The following NRXN3 variants were observed in gnomAD, a reference collection of about 807,000 sequenced individuals.
NRXN3 encodes neurexin III.
Under a neutral mutation model 137.6 loss-of-function variants are expected in NRXN3, and 32 were observed. That is an observed-to-expected ratio of 0.23 (90% confidence interval 0.18 to 0.31). The LOEUF (loss-of-function observed/expected upper bound fraction) is 0.31, where lower values mean the gene tolerates loss of function less well. Ranked by LOEUF, NRXN3 falls within the 10% of genes least tolerant of loss-of-function variation. The pLI is 1.00. For synonymous variants in NRXN3, 798 were observed against 784.5 expected (o/e 1.02, Z -0.29); for missense variants, 1,574 against 2,062.5 (o/e 0.76, Z 4.59).
At chr14:79,021,467 G>A (rs2099589511) in intron 15 of NRXN3, among the ~76,000 whole-genome samples, 1 of 152,152 alleles carries the variant, frequency 6.6e-6, no homozygotes, top group Admixed American at 6.5e-5. Flanking sequence ...TTCTTTTGAT[G>A]TATGGTCTCT....
intron 6 of NRXN3, among the ~76,000 whole-genome samples, chr14:78,651,628 C>A (rs978473852): frequency 6.6e-6 from 1 of 152,200 alleles, no homozygotes; most frequent in African/African-American, 2.4e-5. Context: ...TTCCACATAT[C>A]TGGGGAGGTC....
chr14:79,099,974 C>T (rs1275395635), intron 15 of NRXN3, among the ~76,000 whole-genome samples: 1 of 152,110 alleles, frequency 6.6e-6, no homozygotes, highest in Non-Finnish European at 1.5e-5. Context: ...GGGAATGACC[C>T]AAACAGAATA....
chr14:79,426,749 C>T (rs1304317207), intron 15 of NRXN3, among the ~76,000 whole-genome samples: 2 of 152,022 alleles, frequency 1.3e-5, no homozygotes, highest in African/African-American at 4.8e-5. Context: ...TGGGGAGGGA[C>T]GGCTGTTGGA....
At chr14:79,077,421 T>G (rs1377542899) in intron 15 of NRXN3, among the ~76,000 whole-genome samples, 1 of 152,192 alleles carries the variant, frequency 6.6e-6, no homozygotes, top group East Asian at 1.9e-4. Context: ...TTTTTCCTCT[T>G]CTTTTCCTAT....
At chr14:78,394,677 G>A (rs2091227865) in intron 4 of NRXN3, among the ~76,000 whole-genome samples, 1 of 151,578 alleles carries the variant, frequency 6.6e-6, no homozygotes, top group Admixed American at 6.6e-5. Context: ...AATATTCCAG[G>A]GTAACCATCT....
At chr14:78,898,513 T>A (rs1321005386) in intron 10 of NRXN3, among the ~76,000 whole-genome samples, 1 of 151,566 alleles carries the variant, frequency 6.6e-6, no homozygotes, top group Non-Finnish European at 1.5e-5. Flanking sequence ...CAGAGATGCA[T>A]AAGTTTCTTA....
chr14:79,066,968 T>C (rs1417452891), intron 15 of NRXN3, among the ~76,000 whole-genome samples: 1 of 152,116 alleles, frequency 6.6e-6, no homozygotes, highest in African/African-American at 2.4e-5. Context: ...TTTTTCCTCT[T>C]GCCTGGTTGC....
At chr14:79,566,858 T>G (rs1230672942) in intron 16 of NRXN3, among the ~76,000 whole-genome samples, 1 of 152,168 alleles carries the variant, frequency 6.6e-6, no homozygotes, top group Non-Finnish European at 1.5e-5. Flanking sequence ...TCATGAATCA[T>G]GATACTCCTC....
chr14:78,852,798 C>T (rs2099046146), intron 10 of NRXN3, among the ~76,000 whole-genome samples: 1 of 151,872 alleles, frequency 6.6e-6, no homozygotes. Flanking sequence ...GCTAATGCAT[C>T]TACCTCCTAG....
intron 15 of NRXN3, among the ~76,000 whole-genome samples, chr14:79,331,500 G>A (rs1343555551): frequency 3.3e-5 from 5 of 152,118 alleles, no homozygotes; most frequent in African/African-American, 4.8e-5. Flanking sequence ...TAAAAGATTT[G>A]CCTCAAGCTT....
chr14:78,624,986 C>T lies in NRXN3; in HGVS notation c.758-20134C>T, dbSNP rs188332842. Among the ~76,000 whole-genome samples the T allele has an allele frequency of 6.3e-3, 965 of 152,236 alleles. 29 individuals carry two copies. Among genetic ancestry groups the T allele is most frequent in the Non-Finnish European group, 2.9e-3 (194 of 68,032 alleles). Reference sequence around the variant, plus strand: ...CCTCCTGAGTAGCTGGGACTACAGGCGTGTGCCACCATGCCCGGCTAATTT... The same window carrying T: ...CCTCCTGAGTAGCTGGGACTACAGGTGTGTGCCACCATGCCCGGCTAATTT... On this transcript the variant is annotated intron_variant, in intron 4 of 20. Coordinates refer to ENST00000335750, the MANE Select transcript of NRXN3 (RefSeq NM_001330195.2).
chr14:79,129,207 T>C (rs1251906297), intron 15 of NRXN3, among the ~76,000 whole-genome samples: 2 of 151,732 alleles, frequency 1.3e-5, no homozygotes, highest in Admixed American at 6.6e-5. Flanking sequence ...AGTTATTTCT[T>C]GCCTTCTTCT....
intron 15 of NRXN3, among the ~76,000 whole-genome samples, chr14:79,210,991 TA>T (rs2067572076): frequency 6.6e-6 from 1 of 152,164 alleles, no homozygotes; most frequent in Non-Finnish European, 1.5e-5. Flanking sequence ...TACCCAAATC[TA>T]AAATTCCTAC....
intron 16 of NRXN3, among the ~76,000 whole-genome samples, chr14:79,535,302 C>A (rs1159340043): frequency 2.6e-5 from 4 of 152,144 alleles, no homozygotes; most frequent in South Asian, 2.1e-4. Context: ...AATTGGAGTT[C>A]ATTATGCTCG....
At chr14:79,415,842 C>G (rs1447177631) in intron 15 of NRXN3, among the ~76,000 whole-genome samples, 1 of 152,058 alleles carries the variant, frequency 6.6e-6, no homozygotes, top group Non-Finnish European at 1.5e-5. Context: ...CCTGAACCAT[C>G]TAGGAACTTA....
At chr14:79,451,567 C>T (rs185891655) in intron 15 of NRXN3, among the ~76,000 whole-genome samples, 132 of 152,302 alleles carry the variant, frequency 8.7e-4, no homozygotes, top group African/African-American at 3.0e-3. Flanking sequence ...AATGTGTTCA[C>T]CTGTTACCAT....
intron 4 of NRXN3, among the ~76,000 whole-genome samples, chr14:78,474,678 A>C (rs901502031): frequency 6.6e-6 from 1 of 152,230 alleles, no homozygotes; most frequent in African/African-American, 2.4e-5. Flanking sequence ...TTTGCATACC[A>C]TATTAGTTCA....
intron 16 of NRXN3, among the ~76,000 whole-genome samples, chr14:79,548,656 C>T (rs958753092): frequency 4.6e-5 from 7 of 151,634 alleles, no homozygotes; most frequent in African/African-American, 1.2e-4. Context: ...TCTACCAAGC[C>T]GCAAATTTCT....
At chr14:79,037,360 C>T (rs1289745836) in intron 15 of NRXN3, among the ~76,000 whole-genome samples, 4 of 152,066 alleles carry the variant, frequency 2.6e-5, no homozygotes, top group African/African-American at 9.7e-5. Flanking sequence ...TAGCCCATTT[C>T]CCCTGTGTTT....
Sources: allele counts gnomAD v4.1 joint callset (sites outside exome capture counted in the v4.1 genomes callset), GRCh38; gene constraint gnomAD v4.1.1; transcripts MANE v1.5; gene names NCBI Gene and HGNC (gene_info 2026-07-23, HGNC 2026-07-21).